The following KCNT1 variants were observed in gnomAD, a reference collection of about 807,000 sequenced individuals.
The protein encoded by KCNT1 is potassium channel subfamily T member 1.
Under a neutral mutation model 147.8 loss-of-function variants are expected in KCNT1, and 78 were observed. The observed-to-expected ratio is 0.53, with a 90% CI of 0.44 to 0.64. The LOEUF is 0.64. KCNT1 is among the 30% of genes least tolerant of loss of function. The pLI is 0.00. For synonymous variants in KCNT1, 867 were observed against 748.8 expected, an observed-to-expected ratio of 1.16 and a Z score of -2.58; for missense variants, 1,419 against 1,750.3, an observed-to-expected ratio of 0.81 and a Z score of 3.38.
chr9:135,757,387 C>A lies in KCNT1; in HGVS notation c.759+6C>A. On this transcript the variant is annotated splice_donor_region_variant and intron_variant, in intron 9 of 30. Coordinates refer to ENST00000371757, the MANE Select transcript of KCNT1 (RefSeq NM_020822.3). Reference sequence around the variant, plus strand: ...ACGCGCTGGAAAACATGATTGTAAGCCGGGGCGGGGGGTGCAGCTGGGACT... The same window carrying A: ...ACGCGCTGGAAAACATGATTGTAAGACGGGGCGGGGGGTGCAGCTGGGACT... 6.2e-7 allele frequency: 1 copy of A among 1,606,188 alleles called. No individual in the cohort carries two copies. Among genetic ancestry groups the A allele is most frequent in the Non-Finnish European group, 8.5e-7 (1 of 1,179,688 alleles).
At chr9:135,707,778 C>T (rs1049551685) in intron 1 of KCNT1, among the ~76,000 whole-genome samples, 7 of 152,340 alleles carry the variant, frequency 4.6e-5, no homozygotes, top group Admixed American at 6.5e-5. Context: ...GTCCACTGTG[C>T]TGCTGGCCTT....
chr9:135,702,332 G>T lies in KCNT1; in HGVS notation c.74G>T (p.Arg25Leu). 6.2e-7 allele frequency: 1 copy of T among 1,611,604 alleles called. No homozygotes were observed. Among genetic ancestry groups the T allele is most frequent in the Non-Finnish European group, 8.5e-7 (1 of 1,179,314 alleles). Residue 25 changes from arginine to leucine, a missense_variant, in exon 1 of 31, where the codon CGG becomes CTG. By Grantham distance (102) the Arg-to-Leu change is moderately radical. Around this residue, in one of 5 missense-constraint regions of KCNT1, gnomAD observed 181 missense variants for 155.7 expected, o/e 1.16. Coordinates refer to ENST00000371757, the MANE Select transcript of KCNT1 (RefSeq NM_020822.3). ...GCGCGCGGCGGGGGCTACACCAACC[G>T]GACCTTCGAGTTTGACGACGGCCAA... ...REARGGGYTN[R>L]TFEFDDGQCA...
chr9:135,769,235 G>A (rs1378093330), intron 15 of KCNT1, among the ~76,000 whole-genome samples: 1 of 149,046 alleles, frequency 6.7e-6, no homozygotes, highest in African/African-American at 2.5e-5. Flanking sequence ...GTGCACGTGT[G>A]TGTCGGTGTG....
chr9:135,770,175 A>G, intron 16 of KCNT1, 120 bp downstream of exon 16: 1 of 1,392,890 alleles, frequency 7.2e-7, no homozygotes, highest in Non-Finnish European at 9.7e-7. Context: ...GGCGGGCAAA[A>G]GTCCTGCATA....
rs1206942553 is a variant in KCNT1, at chr9:135,727,395, C to A, written c.254+12675C>A. Among the ~76,000 whole-genome samples, 4 of 130,076 alleles carry A rather than the reference C, an allele frequency of 3.1e-5. No individual in the cohort carries two copies. The South Asian group carries it at 8.6e-4, about 28-fold the overall frequency. 85.3% of individuals were successfully genotyped at this position (130,076 alleles called of 152,430 possible). On this transcript the variant is annotated intron_variant, in intron 2 of 30. Coordinates refer to ENST00000371757, the MANE Select transcript of KCNT1 (RefSeq NM_020822.3). ...TCCCTCTCCCTCTCTCTCCCTCTCT[C>A]TCCCACTCTCTCCCTCTCTTTTCCC...
At chr9:135,727,660 T>C (rs1468485404) in intron 2 of KCNT1, among the ~76,000 whole-genome samples, 1 of 152,150 alleles carries the variant, frequency 6.6e-6, no homozygotes, top group Non-Finnish European at 1.5e-5. Flanking sequence ...CCGGGTGGTG[T>C]CCGCCATGCC....
chr9:135,729,521 G>T (rs1026385406), intron 2 of KCNT1, among the ~76,000 whole-genome samples: 2 of 152,246 alleles, frequency 1.3e-5, no homozygotes, highest in Admixed American at 1.3e-4. Flanking sequence ...ACCAAGCTCA[G>T]CTGTGCGCAG....
At chr9:135,704,188 C>T (rs1014222402) in intron 1 of KCNT1, among the ~76,000 whole-genome samples, 1 of 152,224 alleles carries the variant, frequency 6.6e-6, no homozygotes, top group Admixed American at 6.5e-5. Context: ...CAGGCAACAG[C>T]GTGGTCAGAA....
At chr9:135,741,305 G>T (rs1381866521) in intron 2 of KCNT1, among the ~76,000 whole-genome samples, 1 of 152,188 alleles carries the variant, frequency 6.6e-6, no homozygotes, top group Non-Finnish European at 1.5e-5. Flanking sequence ...GACACAGTGG[G>T]CCCCAGCAGG....
chr9:135,783,200 G>A (rs1403885152), intron 24 of KCNT1, among the ~76,000 whole-genome samples: 1 of 152,252 alleles, frequency 6.6e-6, no homozygotes, highest in Non-Finnish European at 1.5e-5. Context: ...ATGGGATTAA[G>A]TCACGGGCCT....
chr9:135,707,453 G>A (rs1015839684), intron 1 of KCNT1, among the ~76,000 whole-genome samples: 9 of 152,302 alleles, frequency 5.9e-5, no homozygotes, highest in Non-Finnish European at 1.0e-4. Flanking sequence ...GACAGCTGAC[G>A]TGTGCAGTCA....
intron 11 of KCNT1, among the ~76,000 whole-genome samples, chr9:135,760,616 C>T (rs1831851674): frequency 6.6e-6 from 1 of 152,190 alleles, no homozygotes; most frequent in African/African-American, 2.4e-5. Flanking sequence ...CTCTGCTGAC[C>T]CCAGGCTCAG....
rs1323606763 is a variant in KCNT1, at chr9:135,784,743, A to C, written c.3028-18A>C. The C allele has an allele frequency of 6.2e-7, 1 of 1,611,036 alleles. No homozygotes were observed. The highest frequency in any genetic ancestry group is 2.2e-5 in the East Asian group (1 of 44,800). ...TGCTGCCACCTGCCCCAGCCAACTC[A>C]GGGTTCCCACCCTGCAGATGAAAAT... On this transcript the variant is annotated intron_variant, in intron 26 of 30. Transcript: ENST00000371757.
chr9:135,744,789 A>G (rs1318847124), intron 2 of KCNT1, among the ~76,000 whole-genome samples: 1 of 152,158 alleles, frequency 6.6e-6, no homozygotes, highest in Non-Finnish European at 1.5e-5. Flanking sequence ...GGGGTACACA[A>G]GGGACTGTCT....
At chr9:135,705,161 G>C (rs1300059632) in intron 1 of KCNT1, among the ~76,000 whole-genome samples, 1 of 152,216 alleles carries the variant, frequency 6.6e-6, no homozygotes, top group African/African-American at 2.4e-5. Flanking sequence ...GCCTTGCTGT[G>C]GGGCCATCTC....
chr9:135,751,233 C>A (rs1159416141), intron 4 of KCNT1, among the ~76,000 whole-genome samples, 192 bp downstream of exon 4: 2 of 152,070 alleles, frequency 1.3e-5, no homozygotes, highest in African/African-American at 2.4e-5. Context: ...CCGCAGACGG[C>A]TCAGCGTAGG....
intron 3 of KCNT1, chr9:135,750,659 A>G (rs1210788931): frequency 5.6e-6 from 3 of 537,532 alleles, no homozygotes; most frequent in Non-Finnish European, 1.0e-5. Context: ...CTGCTCCCCA[A>G]TCCCTATCCT....
chr9:135,791,626 C>G, intron 29 of KCNT1, 171 bp from the exon 30 acceptor site: 1 of 616,024 alleles, frequency 1.6e-6, no homozygotes, highest in Non-Finnish European at 2.9e-6. Flanking sequence ...GGACAGGTGT[C>G]GGTCAGGGAT....
In KCNT1 at chr9:135,793,311, G is replaced by GTATT. The variant is rs1307758413; in HGVS notation, c.*1152_*1155dup. 7 of 152,272 alleles carry GTATT rather than the reference G, an allele frequency of 4.6e-5. No homozygotes were observed. The highest frequency in any genetic ancestry group is 1.7e-4 in the African/African-American group (7 of 41,542). 9.4% of individuals were successfully genotyped at this position (152,272 alleles called of 1,614,324 possible). On this transcript the variant is annotated 3_prime_UTR_variant, in exon 31 of 31. Coordinates refer to ENST00000371757, the MANE Select transcript of KCNT1 (RefSeq NM_020822.3). ...CCTTCCAAAACTCGGGAACCAAATTGTATTTGGCTACTGGTGACTGGATCC... is the reference window on the plus strand; with the variant it reads ...CCTTCCAAAACTCGGGAACCAAATTGTATTTATTTGGCTACTGGTGACTGGATCC...
Sources: gnomAD v4.1 joint callset for allele counts (sites outside exome capture counted in the v4.1 genomes callset) on GRCh38, gnomAD v4.1.1 for gene constraint, gnomAD v4.1.1 regional missense constraint, MANE v1.5 for transcripts, NCBI Gene and HGNC (gene_info 2026-07-23, HGNC 2026-07-21) for gene names.